The following PHEX variants were observed in gnomAD, a reference collection of about 807,000 sequenced individuals.
The protein encoded by PHEX is phosphate regulating endopeptidase X-linked.
A neutral mutation model predicts 68.0 loss-of-function variants in PHEX; 16 were observed. The ratio of observed to expected loss-of-function variants is 0.24; its 90% CI spans 0.16 to 0.36. PHEX has a LOEUF of 0.36. PHEX is among the 10% of genes least tolerant of loss of function. The pLI is 1.00. For synonymous variants in PHEX, 208 were observed against 205.1 expected (o/e 1.01, Z -0.12); for missense variants, 480 against 575.5 (o/e 0.83, Z 1.70).
At chrX:22,126,111 A>C (rs1164305886) in intron 11 of PHEX, among the ~76,000 whole-genome samples, 2 of 112,250 alleles carry the variant, frequency 1.8e-5, no homozygotes, top group Admixed American at 1.9e-4. Context: ...ATCATATCAC[A>C]TGAGATATGA....
intron 5 of PHEX, among the ~76,000 whole-genome samples, chrX:22,089,645 T>C (rs1929788361): frequency 9.1e-6 from 1 of 110,211 alleles, no homozygotes. Flanking sequence ...GGTCTCAAAC[T>C]CCTGACCTCA....
chrX:22,175,874 C>A (rs1340838419), intron 13 of PHEX, among the ~76,000 whole-genome samples: 6 of 111,255 alleles, frequency 5.4e-5, no homozygotes, highest in Non-Finnish European at 1.1e-4. Flanking sequence ...CAAGAACATA[C>A]CTGAATTTTC....
chrX:22,228,946 T>C (rs918387188), intron 20 of PHEX, among the ~76,000 whole-genome samples: 3 of 111,426 alleles, frequency 2.7e-5, no homozygotes, highest in African/African-American at 9.8e-5. Context: ...GTGTTTTCAT[T>C]GTTCGACTCC....
chrX:22,224,949 T>TTATCATACAGCGCTGTATGATTTAG, intron 18 of PHEX, among the ~76,000 whole-genome samples: 1 of 113,854 alleles, frequency 8.8e-6, no homozygotes, highest in African/African-American at 3.2e-5. Context: ...ATAACATAAA[T>TTATCATACAGCGCTGTATGATTTAG]TATCATACAG....
intron 15 of PHEX, among the ~76,000 whole-genome samples, chrX:22,208,091 T>G (rs1934770444): frequency 1.2e-5 from 1 of 81,436 alleles, no homozygotes; most frequent in African/African-American, 5.1e-5. Context: ...TCTAAAAGAA[T>G]TAATTTTAAT....
intron 20 of PHEX, 119 bp downstream of exon 20, chrX:22,227,730 G>A (rs1019082064): frequency 5.0e-5 from 26 of 519,969 alleles, no homozygotes; most frequent in Non-Finnish European, 9.0e-5. Context: ...CAGCAAAAAT[G>A]TTATCTTGAT....
At chrX:22,211,677 T>A (rs1345770882) in intron 15 of PHEX, among the ~76,000 whole-genome samples, 2 of 112,369 alleles carry the variant, frequency 1.8e-5, no homozygotes, top group Non-Finnish European at 3.8e-5. Flanking sequence ...AGGAAAAGAA[T>A]CTATAGGTTA....
At chrX:22,142,086 A>T (rs758429656) in intron 12 of PHEX, among the ~76,000 whole-genome samples, 2 of 111,519 alleles carry the variant, frequency 1.8e-5, no homozygotes, top group East Asian at 5.6e-4. Context: ...CCCTGTCTCT[A>T]CTAAAAATAC....
In PHEX at chrX:22,176,738, A is replaced by G. The variant is rs754482025; in HGVS notation, c.1483-1535A>G. ...AGGTACGCATCCATCAACAGCATAC[A>G]GTGTTGTTTTGCATGTTTAAAAACT... On this transcript the variant is annotated intron_variant, in intron 13 of 21. Coordinates refer to ENST00000379374, the MANE Select transcript of PHEX (RefSeq NM_000444.6). Among the ~76,000 whole-genome samples, 28 of 110,801 alleles carry G rather than the reference A, an allele frequency of 2.5e-4. No individual in the cohort carries two copies. The Admixed American group carries it at 2.5e-3, about 10-fold the overall frequency.
intron 3 of PHEX, among the ~76,000 whole-genome samples, chrX:22,049,265 A>C (rs920135769): frequency 7.2e-5 from 8 of 110,488 alleles, no homozygotes; most frequent in African/African-American, 2.6e-4. Context: ...GGCACTTGCC[A>C]CCACGCCTGG....
intron 3 of PHEX, among the ~76,000 whole-genome samples, chrX:22,067,242 GA>G (rs760129111): frequency 7.5e-4 from 72 of 95,375 alleles, no homozygotes; most frequent in Non-Finnish European, 5.3e-4. Context: ...GCCCTGTCTC[GA>G]AAAAAAAAAA....
chrX:22,133,514 T>C lies in PHEX; in HGVS notation c.1303-9T>C, dbSNP rs760828206. On this transcript the variant is annotated splice_polypyrimidine_tract_variant and intron_variant, in intron 11 of 21. Coordinates refer to ENST00000379374, the MANE Select transcript of PHEX (RefSeq NM_000444.6). ...CTTTGACGTTCCCTCTTTGGGTATT[T>C]TCTTGTAGATGGAGGAATTGGTTGA... 3.4e-6 allele frequency: 4 copies of C among 1,192,692 alleles called. No homozygotes were observed. In the South Asian group the frequency reaches 5.3e-5, roughly 16 times the overall value.
chrX:22,249,976 T>C lies in PHEX; in HGVS notation c.*2023T>C, dbSNP rs1936525063. 1 of 111,638 alleles carries C rather than the reference T, an allele frequency of 9.0e-6. No homozygotes were observed. The highest frequency in any genetic ancestry group is 1.9e-5 in the Non-Finnish European group (1 of 53,106). The allele number at this position is 111,638 out of a possible 1,213,427, so 9.2% of individuals were successfully genotyped here. ...AAAGACAAACTAAGTCACTTGTTGG[T>C]TTAGCAAAACTGGTTGGTGATTAGT... On this transcript the variant is annotated 3_prime_UTR_variant, in exon 22 of 22. Coordinates refer to ENST00000379374, the MANE Select transcript of PHEX (RefSeq NM_000444.6).
intron 2 of PHEX, among the ~76,000 whole-genome samples, chrX:22,043,052 C>T (rs186834570): frequency 0.019 from 2,104 of 112,178 alleles, 27 homozygotes; most frequent in Middle Eastern, 0.028. Context: ...CATTAATGCA[C>T]TTGCTTCAGG....
chrX:22,058,718 G>C (rs1241278670), intron 3 of PHEX, among the ~76,000 whole-genome samples: 1 of 112,239 alleles, frequency 8.9e-6, no homozygotes, highest in Non-Finnish European at 1.9e-5. Flanking sequence ...AGAAAGAAGA[G>C]GAAAAGGGAA....
chrX:22,237,067 C>T (rs1235384969), intron 20 of PHEX, among the ~76,000 whole-genome samples: 1 of 112,098 alleles, frequency 8.9e-6, no homozygotes, highest in Non-Finnish European at 1.9e-5. Flanking sequence ...ATTTTTCAGT[C>T]TTTTGCACTT....
In PHEX at chrX:22,086,192, G is replaced by T. The variant is rs1292823662; in HGVS notation, c.664-4237G>T. Among the ~76,000 whole-genome samples, 3 of 111,696 alleles carry T rather than the reference G, an allele frequency of 2.7e-5. No individual in the cohort carries two copies. The East Asian group carries it at 8.5e-4, about 32-fold the overall frequency. ...AAGCTGGCTGGCGGCTAGTGTACAGGTGACCTTTGGAATGAACCTCCTATA... is the reference window on the plus strand; with the variant it reads ...AAGCTGGCTGGCGGCTAGTGTACAGTTGACCTTTGGAATGAACCTCCTATA... On this transcript the variant is annotated intron_variant, in intron 5 of 21. Coordinates refer to ENST00000379374, the MANE Select transcript of PHEX (RefSeq NM_000444.6).
chrX:22,179,339 A>C (rs1333508952), intron 14 of PHEX, among the ~76,000 whole-genome samples: 1 of 110,816 alleles, frequency 9.0e-6, no homozygotes, highest in Non-Finnish European at 1.9e-5. Flanking sequence ...TTTTTATTTC[A>C]ATAGATTTTG....
intron 16 of PHEX, among the ~76,000 whole-genome samples, chrX:22,218,073 G>T (rs1165203852): frequency 9.1e-6 from 1 of 109,924 alleles, no homozygotes; most frequent in Non-Finnish European, 1.9e-5. Context: ...TGCCCCAGTT[G>T]GGCTGGCTCT....
Sources: allele counts gnomAD v4.1 joint callset (sites outside exome capture counted in the v4.1 genomes callset), GRCh38; gene constraint gnomAD v4.1.1; transcripts MANE v1.5; gene names NCBI Gene and HGNC (gene_info 2026-07-23, HGNC 2026-07-21).